PLCG2: variants seen among roughly 807,000 people sequenced by gnomAD.
The protein encoded by PLCG2 is phospholipase C gamma 2, also known as 1-phosphatidylinositol 4,5-bisphosphate phosphodiesterase gamma-2.
PLCG2 carries 69 observed loss-of-function variants against 175.6 expected under a neutral mutation model. The observed-to-expected ratio is 0.39, with a 90% CI of 0.32 to 0.48. PLCG2 has a LOEUF of 0.48. PLCG2 is among the 20% of genes least tolerant of loss of function. The pLI is 0.91. For synonymous variants in PLCG2, 827 were observed against 624.0 expected (o/e 1.33, Z -4.85); for missense variants, 1,798 against 1,650.9 (o/e 1.09, Z -1.54).
rs376204006 is a variant in PLCG2 at position 81,941,863 on chromosome 16, G to A, written c.3481+1804G>A. On this transcript the variant is annotated intron_variant, in intron 30 of 32. Transcript: ENST00000564138. ...TTTTTGTATTTTTAGTAGAGACGGG[G>A]TTTTGCCATGTTGGTCTGAAAAAAA... Among the ~76,000 whole-genome samples the A allele has an allele frequency of 1.8e-4, 28 of 152,162 alleles. No homozygotes were observed. In the East Asian group the frequency reaches 5.2e-3, roughly 28 times the overall value.
intron 7 of PLCG2, among the ~76,000 whole-genome samples, chr16:81,880,415 T>G (rs112976324): frequency 0.047 from 7,189 of 152,226 alleles, 234 homozygotes; most frequent in Non-Finnish European, 0.073. Context: ...CTGGCACAAG[T>G]GGGCAAAGAT....
chr16:81,874,869 G>A (rs1597367154), intron 7 of PLCG2, among the ~76,000 whole-genome samples: 1 of 151,256 alleles, frequency 6.6e-6, no homozygotes, highest in Non-Finnish European at 1.5e-5. Context: ...CTCTAACTAG[G>A]CTGTAATAAC....
intron 5 of PLCG2, among the ~76,000 whole-genome samples, chr16:81,860,176 T>TATTATTA (rs200511055): frequency 3.0e-4 from 42 of 139,096 alleles, no homozygotes; most frequent in African/African-American, 1.1e-3. Context: ...ATTATTATTT[T>TATTATTA]TTTTTTTTTT....
At chr16:81,954,399 G>C (rs1051654777) in intron 31 of PLCG2, among the ~76,000 whole-genome samples, 1 of 152,176 alleles carries the variant, frequency 6.6e-6, no homozygotes, top group African/African-American at 2.4e-5. Flanking sequence ...CAGGATACAA[G>C]TGCAGGACGT....
chr16:81,891,437 C>T (rs562264835), intron 10 of PLCG2, 35 bp from the exon 11 acceptor site: 26 of 1,149,200 alleles, frequency 2.3e-5, no homozygotes, highest in Admixed American at 5.0e-5. Context: ...TGCCCGTCAA[C>T]GTGATGATTC....
rs766609754 is a variant in PLCG2 at position 81,805,767 on chromosome 16, G to GTTTTTTTTTTT, written c.193+19590_193+19600dup. Among the ~76,000 whole-genome samples the GTTTTTTTTTTT allele has an allele frequency of 7.1e-4, 28 of 39,508 alleles. 6 individuals carry two copies. Among genetic ancestry groups the GTTTTTTTTTTT allele is most frequent in the African/African-American group, 1.3e-3 (11 of 8,176 alleles). The allele number at this position is 39,508 out of a possible 152,430, so 25.9% of individuals were successfully genotyped here. Reference sequence around the variant, plus strand: ...AGCCATGAGAGTAGTGTTTTGTTTTGTTTTTTTTTTTTTTTGTTTTTTTTT... The same window carrying GTTTTTTTTTTT: ...AGCCATGAGAGTAGTGTTTTGTTTTGTTTTTTTTTTTTTTTTTTTTTTTTTTGTTTTTTTTT... On this transcript the variant is annotated intron_variant, in intron 2 of 32. Transcript: ENST00000564138.
At position 81,959,662 on chromosome 16, in the gene PLCG2, T is replaced by G. The variant is rs765455508; in HGVS notation, c.*1664T>G. ...AGCAACTGAAGAAAGAACATTCCTCTTAGTGGCAGATGTTCAAAGCAACTT... is the reference window on the plus strand; with the variant it reads ...AGCAACTGAAGAAAGAACATTCCTCGTAGTGGCAGATGTTCAAAGCAACTT... On this transcript the variant is annotated 3_prime_UTR_variant, in exon 33 of 33. Coordinates refer to ENST00000564138, the MANE Select transcript of PLCG2 (RefSeq NM_002661.5). 2.7e-5 allele frequency: 5 copies of G among 187,888 alleles called. No homozygotes were observed. Among genetic ancestry groups the G allele is most frequent in the Non-Finnish European group, 4.5e-5 (4 of 89,220 alleles). 11.6% of individuals were successfully genotyped at this position (187,888 alleles called of 1,614,324 possible).
At chr16:81,894,732 G>A (rs1908800496) in intron 12 of PLCG2, among the ~76,000 whole-genome samples, 2 of 152,106 alleles carry the variant, frequency 1.3e-5, no homozygotes, top group African/African-American at 4.8e-5. Flanking sequence ...AATTAGCCAG[G>A]CGTGGTGGTG....
intron 1 of PLCG2, among the ~76,000 whole-genome samples, chr16:81,779,837 T>G (rs1307503925): frequency 3.3e-5 from 5 of 152,196 alleles, no homozygotes; most frequent in Admixed American, 3.3e-4. Context: ...CACACTTCCC[T>G]GTCTCACTTC....
At chr16:81,957,443 T>A (rs554329291) in intron 32 of PLCG2, among the ~76,000 whole-genome samples, 4 of 152,278 alleles carry the variant, frequency 2.6e-5, no homozygotes, top group Admixed American at 6.5e-5. Context: ...ACACTTCAAT[T>A]TAATAGCGAA....
At chr16:81,810,564 C>A (rs192627917) in intron 2 of PLCG2, among the ~76,000 whole-genome samples, 16 of 152,248 alleles carry the variant, frequency 1.1e-4, no homozygotes, top group African/African-American at 3.1e-4. Flanking sequence ...TGACACTCTG[C>A]CTTCCTGTTT....
chr16:81,948,795 T>C (rs1460171826), intron 31 of PLCG2, among the ~76,000 whole-genome samples: 1 of 152,106 alleles, frequency 6.6e-6, no homozygotes, highest in Non-Finnish European at 1.5e-5. Flanking sequence ...TTAACATCCA[T>C]GACCCAAGAG....
At chr16:81,812,043 CTTTTTTTTTTTT>C (rs539108021) in intron 2 of PLCG2, among the ~76,000 whole-genome samples, 1 of 90,330 alleles carries the variant, frequency 1.1e-5, no homozygotes, top group Non-Finnish European at 2.1e-5. Context: ...TGTTTCCTGA[CTTTTTTTTTTTT>C]TTTTTTTTTT....
At chr16:81,746,641 T>C (rs1181784273) in intron 1 of PLCG2, among the ~76,000 whole-genome samples, 1 of 152,240 alleles carries the variant, frequency 6.6e-6, no homozygotes, top group Non-Finnish European at 1.5e-5. Context: ...TATACACTTC[T>C]GTGATGCCAT....
chr16:81,816,766 T>C (rs921163365), intron 2 of PLCG2, among the ~76,000 whole-genome samples: 24 of 139,202 alleles, frequency 1.7e-4, no homozygotes, highest in Non-Finnish European at 1.7e-4. Flanking sequence ...CCTCCCAAAA[T>C]GCTGGGATTA....
At chr16:81,944,153 T>C (rs759542325) in intron 30 of PLCG2, among the ~76,000 whole-genome samples, 3 of 152,192 alleles carry the variant, frequency 2.0e-5, no homozygotes, top group Non-Finnish European at 2.9e-5. Flanking sequence ...GTGAGATGCA[T>C]GCTGGGGAAA....
At chr16:81,867,903 G>A (rs1007882456) in intron 5 of PLCG2, among the ~76,000 whole-genome samples, 2 of 152,122 alleles carry the variant, frequency 1.3e-5, no homozygotes, top group African/African-American at 4.8e-5. Flanking sequence ...GTTTCACCGT[G>A]TTAGCCAGGA....
At chr16:81,796,506 C>T (rs931160695) in intron 2 of PLCG2, among the ~76,000 whole-genome samples, 7 of 152,226 alleles carry the variant, frequency 4.6e-5, no homozygotes, top group Non-Finnish European at 8.8e-5. Context: ...GGGCTGTGGG[C>T]AGTGGTGGGT....
Position 81,785,984 on chromosome 16 carries a change from C to T in PLCG2, c.-6C>T. 1 of 1,611,144 alleles carries T rather than the reference C, an allele frequency of 6.2e-7. No homozygotes were observed. Among genetic ancestry groups the T allele is most frequent in the Non-Finnish European group, 8.5e-7 (1 of 1,177,866 alleles). ...GATTCCTTCCTTCTCCCTGGAGCGG[C>T]CGACAATGTCCACCACGGTCAATGT... On this transcript the variant is annotated 5_prime_UTR_variant, in exon 2 of 33. Transcript: ENST00000564138.
Sources: allele counts gnomAD v4.1 joint callset (sites outside exome capture counted in the v4.1 genomes callset), GRCh38; gene constraint gnomAD v4.1.1; transcripts MANE v1.5; gene names NCBI Gene and HGNC (gene_info 2026-07-23, HGNC 2026-07-21).